Variants in MAN1A1 observed in about 807,000 individuals in gnomAD.
The protein encoded by MAN1A1 is mannosyl-oligosaccharide 1,2-alpha-mannosidase IA.
Under a neutral mutation model 70.8 loss-of-function variants are expected in MAN1A1, and 29 were observed. The ratio of observed to expected loss-of-function variants is 0.41; its 90% CI spans 0.31 to 0.56. The LOEUF (loss-of-function observed/expected upper bound fraction) is 0.56, where lower values mean the gene tolerates loss of function less well. MAN1A1 is among the 20% of genes least tolerant of loss of function. The pLI is 0.29. For synonymous variants in MAN1A1, 349 were observed against 330.1 expected, an observed-to-expected ratio of 1.06 and a Z score of -0.62; for missense variants, 747 against 841.3, an observed-to-expected ratio of 0.89 and a Z score of 1.39.
chr6:119,188,897 T>C (rs1773364436), intron 10 of MAN1A1, among the ~76,000 whole-genome samples: 1 of 152,194 alleles, frequency 6.6e-6, no homozygotes, highest in Admixed American at 6.5e-5. Flanking sequence ...AAAAACTCTA[T>C]AAATGTTCAC....
chr6:119,350,080 C>T (rs1363889376), upstream of MAN1A1, among the ~76,000 whole-genome samples: 1 of 152,162 alleles, frequency 6.6e-6, no homozygotes, highest in Non-Finnish European at 1.5e-5. Context: ...CTGCGCTGGC[C>T]TCGGCAGGGG....
chr6:119,234,236 G>A (rs1028155389), intron 6 of MAN1A1, among the ~76,000 whole-genome samples: 1 of 152,138 alleles, frequency 6.6e-6, no homozygotes, highest in African/African-American at 2.4e-5. Flanking sequence ...TAAATTTAAT[G>A]AAAATATTTG....
At chr6:119,346,362 C>T (rs1773729841) in intron 2 of MAN1A1, among the ~76,000 whole-genome samples, 1 of 152,026 alleles carries the variant, frequency 6.6e-6, no homozygotes, top group South Asian at 2.1e-4. Context: ...CTGAACTAAT[C>T]TGATGGAAAA....
chr6:119,314,608 CT>C (rs1772801500), intron 2 of MAN1A1, among the ~76,000 whole-genome samples: 1 of 152,158 alleles, frequency 6.6e-6, no homozygotes, highest in South Asian at 2.1e-4. Context: ...AGAGCCCTCA[CT>C]TTTTTGCTGC....
chr6:119,185,565 A>C (rs1773263295), intron 11 of MAN1A1, among the ~76,000 whole-genome samples: 1 of 150,218 alleles, frequency 6.7e-6, no homozygotes, highest in African/African-American at 2.4e-5. Context: ...CCATAATTTC[A>C]ATATAAGCCA....
At chr6:119,314,928 C>A (rs144221688) in intron 2 of MAN1A1, among the ~76,000 whole-genome samples, 57 of 152,276 alleles carry the variant, frequency 3.7e-4, no homozygotes, top group Non-Finnish European at 6.6e-4. Flanking sequence ...TTGTCCTATT[C>A]GACCTGGCCT....
rs532662695 is a variant in MAN1A1 at position 119,321,599 on chromosome 6, T to C, written c.604-14607A>G. Reference sequence around the variant, plus strand: ...AACCAAGGTCCTGAAATCTAGTGGATTGACTACATGGCCTGCAATTTTTTT... The same window carrying C: ...AACCAAGGTCCTGAAATCTAGTGGACTGACTACATGGCCTGCAATTTTTTT... On this transcript the variant is annotated intron_variant, in intron 2 of 12. Coordinates refer to ENST00000368468, the MANE Select transcript of MAN1A1 (RefSeq NM_005907.4). Among the ~76,000 whole-genome samples, 14 of 151,010 alleles carry C rather than the reference T, an allele frequency of 9.3e-5. No individual in the cohort carries two copies. The East Asian group carries it at 1.6e-3, about 17-fold the overall frequency.
chr6:119,218,869 ATC>A (rs1382706544), intron 6 of MAN1A1, among the ~76,000 whole-genome samples: 2 of 151,492 alleles, frequency 1.3e-5, no homozygotes, highest in South Asian at 2.1e-4. Context: ...GTAAATAATT[ATC>A]TGTTTTTTTT....
intron 8 of MAN1A1, among the ~76,000 whole-genome samples, chr6:119,195,717 T>A (rs1252825109): frequency 2.0e-5 from 3 of 152,188 alleles, no homozygotes; most frequent in Admixed American, 1.3e-4. Flanking sequence ...AAAGCAAAAT[T>A]CTTCTATGTC....
chr6:119,323,904 T>C (rs189459465), intron 2 of MAN1A1, among the ~76,000 whole-genome samples: 45 of 152,298 alleles, frequency 3.0e-4, no homozygotes, highest in Middle Eastern at 3.4e-3. Flanking sequence ...ATAAGCCTTA[T>C]ATAATATTCA....
At chr6:119,317,557 G>A (rs1021011010) in intron 2 of MAN1A1, among the ~76,000 whole-genome samples, 3 of 152,016 alleles carry the variant, frequency 2.0e-5, no homozygotes, top group Non-Finnish European at 2.9e-5. Flanking sequence ...ATTGCTTGAT[G>A]GCTCATTTCT....
At chr6:119,214,752 T>A (rs1298364727) in intron 6 of MAN1A1, among the ~76,000 whole-genome samples, 1 of 152,010 alleles carries the variant, frequency 6.6e-6, no homozygotes, top group Admixed American at 6.6e-5. Context: ...GTGATCTGCC[T>A]GCCTTGGCCT....
At chr6:119,319,454 C>A (rs770311632) in intron 2 of MAN1A1, among the ~76,000 whole-genome samples, 3 of 151,308 alleles carry the variant, frequency 2.0e-5, no homozygotes, top group Non-Finnish European at 2.9e-5. Flanking sequence ...TAAATATATG[C>A]CAGATTCAGC....
chr6:119,274,190 T>C (rs1057468340), intron 5 of MAN1A1, among the ~76,000 whole-genome samples: 5 of 152,234 alleles, frequency 3.3e-5, no homozygotes, highest in African/African-American at 1.2e-4. Context: ...AAACATACTA[T>C]AAAATGTTCA....
intron 2 of MAN1A1, among the ~76,000 whole-genome samples, chr6:119,328,821 G>A (rs1451654097): frequency 2.6e-5 from 4 of 152,188 alleles, no homozygotes. Context: ...TTTGGTTCCT[G>A]AACTGATATT....
chr6:119,345,368 T>G (rs1183523439), intron 2 of MAN1A1, among the ~76,000 whole-genome samples: 8 of 152,184 alleles, frequency 5.3e-5, no homozygotes, highest in Non-Finnish European at 1.0e-4. Context: ...ATCAAACTCA[T>G]GAAAATAAAT....
At chr6:119,254,889 TA>T (rs1357524201) in intron 5 of MAN1A1, among the ~76,000 whole-genome samples, 2 of 152,214 alleles carry the variant, frequency 1.3e-5, no homozygotes, top group Non-Finnish European at 2.9e-5. Flanking sequence ...TTTTATAGCC[TA>T]AAGTTAAGAA....
At chr6:119,181,450 T>A (rs2114923153) in intron 11 of MAN1A1, among the ~76,000 whole-genome samples, 1 of 48,480 alleles carries the variant, frequency 2.1e-5, no homozygotes, top group East Asian at 5.3e-4. Context: ...CTAAAATACA[T>A]GTTTTTTTTT....
At chr6:119,199,736 T>C (rs1000132766) in intron 8 of MAN1A1, among the ~76,000 whole-genome samples, 15 of 136,312 alleles carry the variant, frequency 1.1e-4, no homozygotes, top group South Asian at 4.7e-4. Context: ...AGACCTTCTC[T>C]CTACCAAAAA....
Sources: allele counts gnomAD v4.1 joint callset (sites outside exome capture counted in the v4.1 genomes callset), GRCh38; gene constraint gnomAD v4.1.1; transcripts MANE v1.5; gene names NCBI Gene and HGNC (gene_info 2026-07-23, HGNC 2026-07-21).